HMOX1: variants seen among roughly 807,000 people sequenced by gnomAD.
HMOX1 encodes heme oxygenase 1.
HMOX1 carries 22 observed loss-of-function variants against 27.8 expected under a neutral mutation model. That is an observed-to-expected ratio of 0.79 (90% CI 0.57 to 1.13). The LOEUF (loss-of-function observed/expected upper bound fraction) is 1.13, where lower values mean the gene tolerates loss of function less well. Ranked by LOEUF, HMOX1 falls within the 50% of genes most tolerant of loss-of-function variation. The pLI is 0.00. For synonymous variants in HMOX1, 153 were observed against 151.6 expected, an observed-to-expected ratio of 1.01 and a Z score of -0.07; for missense variants, 379 against 377.7, an observed-to-expected ratio of 1.00 and a Z score of -0.03.
rs1165364020 is a variant in HMOX1 at position 35,386,729 on chromosome 22, G to A, written c.189G>A (p.Glu63=). Residue 63 remains glutamate, a synonymous_variant, in exon 3 of 5, where the codon GAG becomes GAA. Transcript: ENST00000216117. ...ACCACATCTATGTGGCCCTGGAGGA[G>A]GAGATTGAGCGCAACAAGGAGAGCC... ...SLYHIYVALE[E]EIERNKESPV... is the part of the protein sequence containing the mutation. 1 of 1,614,110 alleles carries A rather than the reference G, an allele frequency of 6.2e-7. No individual in the cohort carries two copies. Among genetic ancestry groups the A allele is most frequent in the Non-Finnish European group, 8.5e-7 (1 of 1,180,050 alleles).
chr22:35,383,013 C>T (rs775528629), intron 1 of HMOX1, 93 bp from the exon 2 acceptor site: 38 of 1,561,274 alleles, frequency 2.4e-5, no homozygotes, highest in Non-Finnish European at 3.2e-5. Flanking sequence ...ATGGGAGTCT[C>T]TTGAAGGCCT....
chr22:35,389,341 C>CTCCTTCCTTCCTTCCTTCCTTCCT (rs1232057826), intron 3 of HMOX1, among the ~76,000 whole-genome samples: 3 of 62,566 alleles, frequency 4.8e-5, no homozygotes, highest in Non-Finnish European at 8.1e-5. Context: ...TTTCTTTCTT[C>CTCCTTCCTTCCTTCCTTCCTTCCT]TCCTTCCTTC....
chr22:35,389,453 C>CTTTCTTTCTTTCTTTCT (rs769260270), intron 3 of HMOX1, among the ~76,000 whole-genome samples: 1 of 123,218 alleles, frequency 8.1e-6, no homozygotes, highest in African/African-American at 3.4e-5. Flanking sequence ...TCTTTCTTTT[C>CTTTCTTTCTTTCTTTCT]TTTCTTTCTT....
Position 35,381,189 on chromosome 22 carries a change from C to G in HMOX1, c.16C>G (p.Pro6Ala), listed in dbSNP as rs1256686888. ...CACCGGCCGGATGGAGCGTCCGCAA[C>G]CCGACAGGCAAGCGCGGGGCGCGGG... MERPQ[P>A]DSMPQDLSEA... Residue 6 changes from proline to alanine, a missense_variant, in exon 1 of 5, where the codon CCC becomes GCC. Coordinates refer to ENST00000216117, the MANE Select transcript of HMOX1 (RefSeq NM_002133.3). 2 of 1,546,922 alleles carry G rather than the reference C, an allele frequency of 1.3e-6. No individual in the cohort carries two copies. Among genetic ancestry groups the G allele is most frequent in the Non-Finnish European group, 8.7e-7 (1 of 1,152,452 alleles).
At chr22:35,389,283 CT>C (rs1931608686) in intron 3 of HMOX1, among the ~76,000 whole-genome samples, 1 of 114,418 alleles carries the variant, frequency 8.7e-6, no homozygotes, top group African/African-American at 4.6e-5. Context: ...TCCTCTCTCT[CT>C]CTCTCTTCTT....
rs1364213574 is a variant in HMOX1, at chr22:35,389,387, CCTTCCTTCCTTT to C, written c.637-473_637-462del. Among the ~76,000 whole-genome samples, 280 of 51,188 alleles carry C rather than the reference CCTTCCTTCCTTT, an allele frequency of 5.5e-3. 1 individual carries two copies. Among genetic ancestry groups the C allele is most frequent in the Admixed American group, 0.011 (67 of 6,306 alleles). 33.6% of individuals were successfully genotyped at this position (51,188 alleles called of 152,430 possible). Reference sequence around the variant, plus strand: ...TCCTTCCTTCCTTCCTTCCTTCCTTCCTTCCTTCCTTTCTTTCTTTCTTTCTTTCTTTCTTTC... The same window carrying C: ...TCCTTCCTTCCTTCCTTCCTTCCTTCCTTTCTTTCTTTCTTTCTTTCTTTC... On this transcript the variant is annotated intron_variant, in intron 3 of 4. Coordinates refer to ENST00000216117, the MANE Select transcript of HMOX1 (RefSeq NM_002133.3).
At chr22:35,381,219 G>A (rs1391072261) in intron 1 of HMOX1, 23 bp downstream of exon 1, 15 of 1,545,090 alleles carry the variant, frequency 9.7e-6, no homozygotes, top group South Asian at 2.4e-5. Context: ...CGCGGGACGC[G>A]GGACGGGCGC....
chr22:35,391,779 T>C (rs1432790109), intron 4 of HMOX1, among the ~76,000 whole-genome samples: 3 of 151,470 alleles, frequency 2.0e-5, no homozygotes, highest in African/African-American at 4.9e-5. Context: ...TTTGGCTTTT[T>C]TTAAAAAAGC....
At chr22:35,389,429 T>C (rs1931649065) in intron 3 of HMOX1, among the ~76,000 whole-genome samples, 1 of 67,902 alleles carries the variant, frequency 1.5e-5, no homozygotes, top group Non-Finnish European at 3.1e-5. Context: ...TCTTTCTTTC[T>C]ATCTTTCTTT....
chr22:35,387,589 G>A (rs1008878333), intron 3 of HMOX1, among the ~76,000 whole-genome samples: 3 of 152,190 alleles, frequency 2.0e-5, no homozygotes, highest in African/African-American at 7.2e-5. Flanking sequence ...GCACTCCCAG[G>A]GTTACAGGTG....
Position 35,386,835 on chromosome 22 carries a change from C to T in HMOX1, c.295C>T (p.Pro99Ser). 2.5e-6 allele frequency: 4 copies of T among 1,614,176 alleles called. No homozygotes were observed. The highest frequency in any genetic ancestry group is 3.4e-6 in the Non-Finnish European group (4 of 1,180,020). Residue 99 changes from proline (P) to serine (S), a missense_variant, in exon 3 of 5, where the codon CCC (proline) becomes TCC (serine). By Grantham distance (74) the Pro-to-Ser change is moderately conservative. Coordinates refer to ENST00000216117, the MANE Select transcript of HMOX1 (RefSeq NM_002133.3). ...LEQDLAFWYG[P>S]RWQEVIPYTP... ...GCAGGACCTGGCCTTCTGGTACGGG[C>T]CCCGCTGGCAGGAGGTCATCCCCTA...
chr22:35,389,485 C>T (rs983714156), intron 3 of HMOX1, among the ~76,000 whole-genome samples: 3 of 147,574 alleles, frequency 2.0e-5, no homozygotes, highest in East Asian at 3.9e-4. Context: ...CCCTGTCACC[C>T]GGGCTGGAGT....
rs367760328 is a variant in HMOX1, at chr22:35,387,115, C to A, written c.575C>A (p.Thr192Asn). Reference protein sequence around the residue: ...YRSRMNSLEMTPAVRQRVIEE... With the variant: ...YRSRMNSLEMNPAVRQRVIEE... ...TCCCGCATGAACTCCCTGGAGATGA[C>A]TCCCGCAGTCAGGCAGAGGGTGATA... Residue 192 changes from threonine to asparagine, a missense_variant, in exon 3 of 5, where the codon ACT becomes AAT. Coordinates refer to ENST00000216117, the MANE Select transcript of HMOX1 (RefSeq NM_002133.3). 6.2e-6 allele frequency: 10 copies of A among 1,613,626 alleles called. No individual in the cohort carries two copies. Among genetic ancestry groups the A allele is most frequent in the Non-Finnish European group, 8.5e-6 (10 of 1,180,038 alleles).
chr22:35,389,532 T>C (rs1171443103), intron 3 of HMOX1, among the ~76,000 whole-genome samples: 1 of 150,870 alleles, frequency 6.6e-6, no homozygotes, highest in African/African-American at 2.5e-5. Flanking sequence ...AACCTCAGCT[T>C]CCCAGGTTCA....
At chr22:35,383,338 C>T (rs1931429335) in intron 2 of HMOX1, 112 bp downstream of exon 2, 4 of 1,180,222 alleles carry the variant, frequency 3.4e-6, no homozygotes, top group East Asian at 2.6e-5. Flanking sequence ...TGGGCATGTC[C>T]AATAGAATCA....
chr22:35,386,101 G>A (rs978142020), intron 2 of HMOX1, among the ~76,000 whole-genome samples: 2 of 151,894 alleles, frequency 1.3e-5, no homozygotes, highest in African/African-American at 2.4e-5. Context: ...AACTACAGGC[G>A]CCCGCCACCA....
chr22:35,383,769 C>T (rs1931441446), intron 2 of HMOX1, among the ~76,000 whole-genome samples: 1 of 152,200 alleles, frequency 6.6e-6, no homozygotes, highest in Non-Finnish European at 1.5e-5. Context: ...TCTAATCTCC[C>T]TAAGCCACGT....
intron 2 of HMOX1, among the ~76,000 whole-genome samples, chr22:35,385,433 ATT>A (rs199925853): frequency 4.0e-5 from 5 of 124,686 alleles, no homozygotes; most frequent in Non-Finnish European, 3.4e-5. Flanking sequence ...CCTTTGTTGG[ATT>A]TTTTTTTTTT....
At position 35,389,867 on chromosome 22, in the gene HMOX1, T is replaced by G; in HGVS notation, c.640T>G (p.Phe214Val). ...ATGTGTGTCTTTTGTCTTTTAGCTC[T>G]TTGAGGAGTTGCAGGAGCTGCTGAC... ...KTAFLLNIQL[F>V]EELQELLTHD... is the part of the protein sequence containing the mutation. The change falls in exon 4 of 5, where the codon TTT becomes GTT. Residue 214 changes from phenylalanine to valine, a missense_variant. Coordinates refer to ENST00000216117, the MANE Select transcript of HMOX1 (RefSeq NM_002133.3). 6.2e-7 allele frequency: 1 copy of G among 1,605,954 alleles called. No individual in the cohort carries two copies.
Sources: gnomAD v4.1 joint callset for allele counts (sites outside exome capture counted in the v4.1 genomes callset) on GRCh38, gnomAD v4.1.1 for gene constraint, MANE v1.5 for transcripts, NCBI Gene and HGNC (gene_info 2026-07-23, HGNC 2026-07-21) for gene names.